Variants in SLC4A8 observed in about 807,000 individuals in gnomAD.
SLC4A8 encodes electroneutral sodium bicarbonate exchanger 1.
In SLC4A8, 40 loss-of-function variants were observed where a neutral mutation model predicts 125.0. The observed-to-expected ratio is 0.32, with a 90% CI of 0.25 to 0.42. The LOEUF is 0.42. Among genes scored for constraint, SLC4A8 ranks in the 10% least tolerant of loss-of-function variants. The pLI, the probability that SLC4A8 is intolerant of heterozygous loss-of-function variation, is 1.00. For missense variants in SLC4A8, 863 were observed against 1,355.1 expected, an observed-to-expected ratio of 0.64 and a Z score of 5.70; for synonymous variants, 456 against 476.0, an observed-to-expected ratio of 0.96 and a Z score of 0.55.
At chr12:51,407,654 A>G (rs1948514579) in intron 1 of SLC4A8, 1 of 152,242 alleles carries the variant, frequency 6.6e-6, no homozygotes. Flanking sequence ...CTTGCTCTCC[A>G]GGAAGTATGC....
At chr12:51,446,056 A>G (rs1167694602) in intron 2 of SLC4A8, among the ~76,000 whole-genome samples, 1 of 152,206 alleles carries the variant, frequency 6.6e-6, no homozygotes, top group Non-Finnish European at 1.5e-5. Context: ...TTTTATTAAG[A>G]TGGTATTCAA....
chr12:51,400,726 T>C (rs1290176527), intron 1 of SLC4A8, among the ~76,000 whole-genome samples: 1 of 41,894 alleles, frequency 2.4e-5, no homozygotes, highest in African/African-American at 1.2e-4. Context: ...ATGAACTCCT[T>C]TATATATATA....
At position 51,485,914 on chromosome 12, in the gene SLC4A8, A is replaced by C; in HGVS notation, c.2286+14A>C. 1.4e-6 allele frequency: 2 copies of C among 1,431,698 alleles called. No individual in the cohort carries two copies. Among genetic ancestry groups the C allele is most frequent in the Non-Finnish European group, 2.0e-6 (2 of 1,014,048 alleles). 88.7% of individuals were successfully genotyped at this position (1,431,698 alleles called of 1,614,324 possible). ...AGTGTGTTCAAGGTAAACAGATCTC[A>C]GAGTACTTGGTGCACTCATGTAATT... On this transcript the variant is annotated intron_variant, in intron 17 of 24. Coordinates refer to ENST00000453097, the MANE Select transcript of SLC4A8 (RefSeq NM_001039960.3).
At chr12:51,484,622 C>G (rs7977656) in intron 16 of SLC4A8, among the ~76,000 whole-genome samples, 30 of 152,160 alleles carry the variant, frequency 2.0e-4, no homozygotes, top group African/African-American at 7.0e-4. Context: ...GCTAAGGTAC[C>G]GGTGATATTA....
At chr12:51,506,057 G>A (rs1032027259) in intron 24 of SLC4A8, 127 bp downstream of exon 24, 14 of 598,884 alleles carry the variant, frequency 2.3e-5, no homozygotes, top group African/African-American at 7.4e-5. Flanking sequence ...AGGAACTGCC[G>A]CTAACCACAT....
rs1489415687 is a variant in SLC4A8 at position 51,515,132 on chromosome 12, C to T, written c.*7694C>T. 9 of 152,348 alleles carry T rather than the reference C, an allele frequency of 5.9e-5. No individual in the cohort carries two copies. Among genetic ancestry groups the T allele is most frequent in the South Asian group, 2.1e-4 (1 of 4,830 alleles). 9.4% of individuals were successfully genotyped at this position (152,348 alleles called of 1,614,324 possible). On this transcript the variant is annotated 3_prime_UTR_variant, in exon 25 of 25. Transcript: ENST00000453097. ...GCAGAAATCAGCGGAGCTTGGGCTTCGCTTAGCAGGTTTGCAATTGACTTC... is the reference window on the plus strand; with the variant it reads ...GCAGAAATCAGCGGAGCTTGGGCTTTGCTTAGCAGGTTTGCAATTGACTTC...
intron 1 of SLC4A8, among the ~76,000 whole-genome samples, chr12:51,435,257 T>C (rs564675926): frequency 4.7e-4 from 72 of 152,308 alleles, no homozygotes; most frequent in East Asian, 3.1e-3. Context: ...GTACAATCCA[T>C]TGGGGATTGC....
At chr12:51,392,402 T>C (rs10876170) in intron 1 of SLC4A8, among the ~76,000 whole-genome samples, 74,289 of 150,768 alleles carry the variant, frequency 0.49, 18,546 homozygotes, top group East Asian at 0.55. Flanking sequence ...TGAAACCCCG[T>C]CTCTACTAAA....
chr12:51,438,991 C>T (rs1439532331), intron 1 of SLC4A8, among the ~76,000 whole-genome samples: 1 of 152,140 alleles, frequency 6.6e-6, no homozygotes, highest in African/African-American at 2.4e-5. Context: ...AAAGTCTGTG[C>T]TGGGTGCTAG....
rs774061254 is a variant in SLC4A8 at position 51,457,235 on chromosome 12, C to A, written c.575-116C>A. On this transcript the variant is annotated intron_variant, in intron 5 of 24. Transcript: ENST00000453097. ...GGAAGCTGAAATTGCACCTCAATGA[C>A]CCTAGTGGAGCTGCTTCCCCCTACT... 7.1e-6 allele frequency: 5 copies of A among 702,310 alleles called. No individual in the cohort carries two copies. The African/African-American group carries it at 7.2e-5, about 10-fold the overall frequency. 43.5% of individuals were successfully genotyped at this position (702,310 alleles called of 1,614,324 possible). A position where few individuals can be genotyped will look rare whatever the true frequency, so the allele number is the denominator to read the frequency against.
At chr12:51,470,034 A>G (rs915607405) in intron 12 of SLC4A8, among the ~76,000 whole-genome samples, 1 of 152,166 alleles carries the variant, frequency 6.6e-6, no homozygotes, top group African/African-American at 2.4e-5. Context: ...TGCCTCAGTG[A>G]TGGAAAATGG....
chr12:51,458,395 T>A (rs1950221650), intron 6 of SLC4A8, among the ~76,000 whole-genome samples, 164 bp from the exon 7 acceptor site: 1 of 152,140 alleles, frequency 6.6e-6, no homozygotes, highest in Admixed American at 6.5e-5. Context: ...CACTAACTAG[T>A]AGATAAGGAG....
rs1951258244 is a variant in SLC4A8, at chr12:51,489,694, C to G, written c.2449-6C>G. On this transcript the variant is annotated splice_polypyrimidine_tract_variant and splice_region_variant and intron_variant, in intron 18 of 24. Transcript: ENST00000453097. ...TGATGGTGACAAAGACTCTGTTTCC[C>G]CACAGAAAGGCTGTGGCTACCACCT... 1 of 1,614,068 alleles carries G rather than the reference C, an allele frequency of 6.2e-7. No individual in the cohort carries two copies. The highest frequency in any genetic ancestry group is 1.7e-5 in the Admixed American group (1 of 60,018).
intron 1 of SLC4A8, among the ~76,000 whole-genome samples, chr12:51,399,149 T>G (rs565181119): frequency 1.3e-5 from 2 of 152,280 alleles, no homozygotes; most frequent in East Asian, 3.9e-4. Context: ...AAAGGAGAGG[T>G]GATAGAATAA....
chr12:51,453,843 C>G, intron 5 of SLC4A8, 144 bp downstream of exon 5: 22 of 477,528 alleles, frequency 4.6e-5, no homozygotes, highest in Non-Finnish European at 5.9e-5. Context: ...ATGTCCTTGG[C>G]TGTGGGAAGG....
chr12:51,470,007 C>G (rs367876669), intron 12 of SLC4A8, among the ~76,000 whole-genome samples: 4 of 152,002 alleles, frequency 2.6e-5, no homozygotes, highest in African/African-American at 9.7e-5. Context: ...AGCTGGTTGC[C>G]CAGTTGAATT....
intron 21 of SLC4A8, among the ~76,000 whole-genome samples, chr12:51,496,528 C>G (rs962915074): frequency 1.3e-5 from 2 of 152,116 alleles, no homozygotes; most frequent in Admixed American, 6.5e-5. Flanking sequence ...ATGATGCAGG[C>G]CCAAAGCAAG....
chr12:51,437,838 C>T (rs537698554), intron 1 of SLC4A8, among the ~76,000 whole-genome samples: 3 of 152,156 alleles, frequency 2.0e-5, no homozygotes, highest in South Asian at 2.1e-4. Context: ...ACAGTGCTCT[C>T]GGGATCAGTC....
intron 1 of SLC4A8, among the ~76,000 whole-genome samples, chr12:51,401,890 G>T (rs1169633065): frequency 6.6e-6 from 1 of 151,946 alleles, no homozygotes; most frequent in Non-Finnish European, 1.5e-5. Flanking sequence ...TCAGCCCCCT[G>T]AGTAGCTGGG....
Sources: allele counts gnomAD v4.1 joint callset (sites outside exome capture counted in the v4.1 genomes callset), GRCh38; gene constraint gnomAD v4.1.1; transcripts MANE v1.5; gene names NCBI Gene and HGNC (gene_info 2026-07-23, HGNC 2026-07-21).